GMDS: variants seen among roughly 807,000 people sequenced by gnomAD.
GMDS encodes GDP-mannose 4,6 dehydratase.
In GMDS, 20 loss-of-function variants were observed where a neutral mutation model predicts 49.9. The ratio of observed to expected loss-of-function variants is 0.40; its 90% confidence interval spans 0.28 to 0.58. The LOEUF (loss-of-function observed/expected upper bound fraction) is 0.58, where lower values mean the gene tolerates loss of function less well. GMDS is among the 20% of genes least tolerant of loss of function. The pLI, the probability that GMDS is intolerant of heterozygous loss-of-function variation, is 0.42. For synonymous variants in GMDS, 177 were observed against 178.6 expected (o/e 0.99, Z 0.07); for missense variants, 362 against 481.4 (o/e 0.75, Z 2.32).
chr6:2,059,703 G>A lies in GMDS; in HGVS notation c.345+56068C>T, dbSNP rs1228972429. 4.5e-3 allele frequency among the ~76,000 whole-genome samples: 11 copies of A among 2,432 alleles called. No homozygotes were observed. In the Admixed American group the frequency reaches 0.051, roughly 11 times the overall value. The allele number at this position is 2,432 out of a possible 152,430, so 1.6% of individuals were successfully genotyped here. ...AGCCTGGGCGACAGAGCGAGACTCCGTCTCAAAAAAAAAAAAAAAAAAAAT... is the reference window on the plus strand; with the variant it reads ...AGCCTGGGCGACAGAGCGAGACTCCATCTCAAAAAAAAAAAAAAAAAAAAT... On this transcript the variant is annotated intron_variant, in intron 4 of 10. Coordinates refer to ENST00000380815, the MANE Select transcript of GMDS (RefSeq NM_001500.4).
At chr6:1,999,996 T>TA (rs1255621997) in intron 4 of GMDS, among the ~76,000 whole-genome samples, 944 of 10,198 alleles carry the variant, frequency 0.093, 154 homozygotes, top group Non-Finnish European at 0.14. Context: ...TATATATATA[T>TA]TATATATATA....
intron 7 of GMDS, among the ~76,000 whole-genome samples, chr6:1,827,020 T>C (rs778585274): frequency 1.6e-4 from 25 of 151,628 alleles, no homozygotes; most frequent in African/African-American, 5.8e-4. Flanking sequence ...TGAGCTATGA[T>C]TGTGGCCCGC....
At chr6:1,913,951 G>A (rs1761214260) in intron 7 of GMDS, among the ~76,000 whole-genome samples, 1 of 152,132 alleles carries the variant, frequency 6.6e-6, no homozygotes, top group Non-Finnish European at 1.5e-5. Context: ...GTGAGTGGAT[G>A]TACGGGGGGA....
At position 2,115,788 on chromosome 6, in the gene GMDS, C is replaced by T; in HGVS notation, c.328G>A (p.Ala110Thr). 1 of 1,586,958 alleles carries T rather than the reference C, an allele frequency of 6.3e-7. No individual in the cohort carries two copies. The highest frequency in any genetic ancestry group is 8.7e-7 in the Non-Finnish European group (1 of 1,155,570). The change falls in exon 4 of 11, where the codon GCC becomes ACC. Residue 110 changes from alanine to threonine, a missense_variant. By Grantham distance (58) the Ala-to-Thr change is moderately conservative. Coordinates refer to ENST00000380815, the MANE Select transcript of GMDS (RefSeq NM_001500.4). The part of the protein sequence containing the change: ...VKPTEIYNLG[A>T]QSHVKISFDL... ...ATGCTTACTTTGACGTGGCTCTGGG[C>T]TCCAAGGTTGTAGATCTCTGTGGGC...
rs1237255349 is a variant in GMDS at position 2,206,029 on chromosome 6, C to T, written c.102+39292G>A. 4.6e-5 allele frequency among the ~76,000 whole-genome samples: 7 copies of T among 152,040 alleles called. No individual in the cohort carries two copies. The South Asian group carries it at 6.2e-4, about 14-fold the overall frequency. On this transcript the variant is annotated intron_variant, in intron 1 of 10. Transcript: ENST00000380815. The stretch of plus-strand genomic sequence containing the variant: ...ATCTCAGCGCTTTGGGAGGCCAAGG[C>T]GGGCAGATCACCCAAGGTCAGGAGT...
intron 7 of GMDS, among the ~76,000 whole-genome samples, chr6:1,795,951 G>A (rs1300005271): frequency 2.6e-5 from 4 of 152,192 alleles, no homozygotes; most frequent in Admixed American, 6.5e-5. Flanking sequence ...GGGGGAAGGC[G>A]GGGACTGGCC....
chr6:2,156,400 C>A (rs1386973686), intron 1 of GMDS, among the ~76,000 whole-genome samples: 1 of 152,096 alleles, frequency 6.6e-6, no homozygotes, highest in East Asian at 1.9e-4. Context: ...AAATCAAAGG[C>A]AAGCCTGCCT....
At chr6:1,957,487 C>T (rs1326252782) in intron 6 of GMDS, among the ~76,000 whole-genome samples, 1 of 152,218 alleles carries the variant, frequency 6.6e-6, no homozygotes, top group African/African-American at 2.4e-5. Context: ...TTTTCACGTA[C>T]ATCTCTTTTT....
At chr6:2,190,130 CTTTTA>C (rs1581771776) in intron 1 of GMDS, among the ~76,000 whole-genome samples, 1 of 152,072 alleles carries the variant, frequency 6.6e-6, no homozygotes, top group East Asian at 1.9e-4. Flanking sequence ...GTACAAAATG[CTTTTA>C]TTTTATATTT....
intron 7 of GMDS, among the ~76,000 whole-genome samples, chr6:1,745,764 A>G (rs1767468170): frequency 1.3e-5 from 2 of 152,204 alleles, no homozygotes. Flanking sequence ...ATTACTGAAT[A>G]GTTTACTGGT....
chr6:1,707,033 T>G (rs1469300119), intron 9 of GMDS, among the ~76,000 whole-genome samples: 1 of 152,246 alleles, frequency 6.6e-6, no homozygotes. Context: ...AGTCTCTTGC[T>G]GTCAACTGAA....
At chr6:2,110,297 G>A (rs1306775115) in intron 4 of GMDS, among the ~76,000 whole-genome samples, 4 of 144,290 alleles carry the variant, frequency 2.8e-5, no homozygotes, top group African/African-American at 1.0e-4. Flanking sequence ...ACGAATATGG[G>A]GGTCAGCTAT....
intron 9 of GMDS, among the ~76,000 whole-genome samples, chr6:1,706,812 T>A (rs1765756759): frequency 6.6e-6 from 1 of 152,224 alleles, no homozygotes; most frequent in African/African-American, 2.4e-5. Context: ...TACTCCATAG[T>A]CTGAATGGAC....
chr6:1,895,558 G>C (rs1367803357), intron 7 of GMDS, among the ~76,000 whole-genome samples: 2 of 152,172 alleles, frequency 1.3e-5, no homozygotes, highest in African/African-American at 4.8e-5. Flanking sequence ...TGTGGCCAGG[G>C]ATACTGTATT....
chr6:2,042,483 G>A (rs968823260), intron 4 of GMDS, among the ~76,000 whole-genome samples: 2 of 152,090 alleles, frequency 1.3e-5, no homozygotes, highest in Admixed American at 6.5e-5. Context: ...CACCTTTACA[G>A]GCTATACACC....
intron 1 of GMDS, among the ~76,000 whole-genome samples, chr6:2,190,646 A>G (rs1452883897): frequency 6.6e-6 from 1 of 152,122 alleles, no homozygotes; most frequent in Non-Finnish European, 1.5e-5. Context: ...GACACAGCAC[A>G]TGTTTTTTTG....
chr6:2,152,824 TTATG>T (rs1776906807), intron 1 of GMDS, among the ~76,000 whole-genome samples: 1 of 152,152 alleles, frequency 6.6e-6, no homozygotes, highest in African/African-American at 2.4e-5. Flanking sequence ...ATCATAAAAA[TTATG>T]TATTATGAAA....
chr6:2,050,298 G>A (rs374946754), intron 4 of GMDS, among the ~76,000 whole-genome samples: 2 of 152,232 alleles, frequency 1.3e-5, no homozygotes, highest in South Asian at 2.1e-4. Context: ...TAAATTCCTG[G>A]ACACATACAC....
intron 4 of GMDS, among the ~76,000 whole-genome samples, chr6:1,985,352 T>C (rs2127352963): frequency 6.6e-6 from 1 of 151,860 alleles, no homozygotes; most frequent in Admixed American, 6.6e-5. Context: ...ACAAGAGGGG[T>C]AGGGGTCCTA....
Sources: allele counts gnomAD v4.1 joint callset (sites outside exome capture counted in the v4.1 genomes callset), GRCh38; gene constraint gnomAD v4.1.1; transcripts MANE v1.5; gene names NCBI Gene and HGNC (gene_info 2026-07-23, HGNC 2026-07-21).